The following KIAA1328 variants were observed in gnomAD, a reference collection of about 807,000 sequenced individuals.
KIAA1328 encodes the protein protein hinderin.
A neutral mutation model predicts 68.1 loss-of-function variants in KIAA1328; 52 were observed. That is an observed-to-expected ratio of 0.76 (90% CI 0.61 to 0.96). The LOEUF (loss-of-function observed/expected upper bound fraction) is 0.96. Among genes scored for constraint, KIAA1328 ranks in the 40% least tolerant of loss-of-function variants. KIAA1328 has a pLI of 0.00. For synonymous variants in KIAA1328, 232 were observed against 239.4 expected, an observed-to-expected ratio of 0.97 and a Z score of 0.28; for missense variants, 641 against 677.6, an observed-to-expected ratio of 0.95 and a Z score of 0.60.
At chr18:36,889,175 AT>A (rs1182879656) in intron 5 of KIAA1328, among the ~76,000 whole-genome samples, 1 of 152,214 alleles carries the variant, frequency 6.6e-6, no homozygotes, top group Non-Finnish European at 1.5e-5. Context: ...AAGAAAGTTT[AT>A]TTCTGGAGAA....
At chr18:37,047,133 C>G (rs1274824500) in intron 6 of KIAA1328, among the ~76,000 whole-genome samples, 1 of 152,192 alleles carries the variant, frequency 6.6e-6, no homozygotes, top group African/African-American at 2.4e-5. Flanking sequence ...TATCTACCAT[C>G]TGCCTAGTCT....
intron 7 of KIAA1328, among the ~76,000 whole-genome samples, chr18:37,144,714 G>T (rs888754109): frequency 6.6e-6 from 1 of 151,874 alleles, no homozygotes; most frequent in Admixed American, 6.6e-5. Context: ...TTTTTTTGTA[G>T]AGTTGGGGTT....
At chr18:36,885,491 G>A (rs2048465725) in intron 4 of KIAA1328, 66 bp from the exon 5 acceptor site, 3 of 852,416 alleles carry the variant, frequency 3.5e-6, no homozygotes, top group East Asian at 2.9e-5. Context: ...TTTGTAAACT[G>A]CAGCTGTAGG....
intron 5 of KIAA1328, among the ~76,000 whole-genome samples, chr18:36,905,471 A>G (rs910869486): frequency 3.9e-5 from 6 of 152,254 alleles, no homozygotes; most frequent in Non-Finnish European, 5.9e-5. Context: ...ATGACTTTGT[A>G]TAGTCCACAT....
In KIAA1328 at chr18:36,963,144, A is replaced by G. The variant is rs191019857; in HGVS notation, c.576+3709A>G. The stretch of plus-strand genomic sequence containing the variant: ...CTGTTTTCTTAAAACATAGCTGATA[A>G]AAAGAGGCAGAGGAAGGTGGCATCT... On this transcript the variant is annotated intron_variant, in intron 6 of 9. Coordinates refer to ENST00000280020, the MANE Select transcript of KIAA1328 (RefSeq NM_020776.3). Among the ~76,000 whole-genome samples the G allele has an allele frequency of 4.6e-5, 7 of 152,350 alleles. No homozygotes were observed. In the East Asian group the frequency reaches 1.3e-3, roughly 29 times the overall value.
intron 6 of KIAA1328, among the ~76,000 whole-genome samples, chr18:37,062,392 A>C (rs1416868770): frequency 6.6e-6 from 1 of 151,128 alleles, no homozygotes; most frequent in African/African-American, 2.4e-5. Flanking sequence ...ATAACTGCCC[A>C]TCTTTCTCAC....
At chr18:37,116,462 A>G (rs1272983663) in intron 7 of KIAA1328, among the ~76,000 whole-genome samples, 1 of 152,144 alleles carries the variant, frequency 6.6e-6, no homozygotes, top group East Asian at 1.9e-4. Flanking sequence ...AGCCATATGT[A>G]GAAAGCTGAA....
In KIAA1328 at chr18:37,048,002, ATAC is replaced by A. The variant is rs1470417538; in HGVS notation, c.577-18887_577-18885del. Among the ~76,000 whole-genome samples the A allele has an allele frequency of 5.3e-5, 8 of 152,324 alleles. No individual in the cohort carries two copies. In the South Asian group the frequency reaches 1.7e-3, roughly 32 times the overall value. On this transcript the variant is annotated intron_variant, in intron 6 of 9. Transcript: ENST00000280020. ...TACTCCCTTATAATGCTGGCCAAAT[ATAC>A]AAGATTTGGCCTTTGGCTACAAAAC...
At chr18:37,012,619 G>A (rs1418146600) in intron 6 of KIAA1328, among the ~76,000 whole-genome samples, 2 of 152,100 alleles carry the variant, frequency 1.3e-5, no homozygotes, top group Non-Finnish European at 2.9e-5. Context: ...ATCTAACTTT[G>A]CATTAATAAG....
chr18:36,955,324 T>C (rs2051365400), intron 5 of KIAA1328, among the ~76,000 whole-genome samples: 1 of 150,546 alleles, frequency 6.6e-6, no homozygotes, highest in Non-Finnish European at 1.5e-5. Context: ...CTTTTTTTTT[T>C]TTTTTTTGAT....
chr18:36,990,014 G>C (rs994334122), intron 6 of KIAA1328, among the ~76,000 whole-genome samples: 1 of 152,034 alleles, frequency 6.6e-6, no homozygotes, highest in Non-Finnish European at 1.5e-5. Context: ...TTTTAAGACA[G>C]TTTTTTCCTC....
chr18:37,136,248 C>T (rs1033166813), intron 7 of KIAA1328, among the ~76,000 whole-genome samples: 5 of 152,260 alleles, frequency 3.3e-5, no homozygotes, highest in African/African-American at 1.2e-4. Flanking sequence ...CAGCCACAAT[C>T]TTTAACTAAC....
intron 6 of KIAA1328, among the ~76,000 whole-genome samples, chr18:36,970,794 T>C (rs1464872543): frequency 6.6e-6 from 1 of 151,878 alleles, no homozygotes; most frequent in Non-Finnish European, 1.5e-5. Context: ...CTCAAGGAAA[T>C]AAGAGAGGAC....
intron 6 of KIAA1328, among the ~76,000 whole-genome samples, chr18:37,001,233 A>G (rs957717009): frequency 3.3e-5 from 5 of 152,144 alleles, no homozygotes; most frequent in African/African-American, 1.2e-4. Flanking sequence ...CATCAGGGCC[A>G]GTTTTAATAA....
intron 9 of KIAA1328, among the ~76,000 whole-genome samples, chr18:37,179,836 C>T (rs1398629402): frequency 1.3e-5 from 2 of 151,904 alleles, no homozygotes; most frequent in Admixed American, 1.3e-4. Context: ...TTTGCTGGGC[C>T]ACAAAGAGGA....
rs1265691434 is a variant in KIAA1328 at position 36,864,612 on chromosome 18, T to C, written c.332+20310T>C. Among the ~76,000 whole-genome samples, 11 of 121,222 alleles carry C rather than the reference T, an allele frequency of 9.1e-5. No homozygotes were observed. In the Admixed American group the frequency reaches 9.3e-4, roughly 10 times the overall value. The allele number at this position is 121,222 out of a possible 152,430, so 79.5% of individuals were successfully genotyped here. Reference sequence around the variant, plus strand: ...GTCAGTAGTTTTTTTTTTTTTTTTGTACTGTCTTGGTCTGTTTTTGGTATT... The same window carrying C: ...GTCAGTAGTTTTTTTTTTTTTTTTGCACTGTCTTGGTCTGTTTTTGGTATT... On this transcript the variant is annotated intron_variant, in intron 4 of 9. Transcript: ENST00000280020.
At chr18:37,071,057 C>CTTTTTTTT (rs58722044) in intron 7 of KIAA1328, among the ~76,000 whole-genome samples, 23 of 86,836 alleles carry the variant, frequency 2.6e-4, no homozygotes, top group Non-Finnish European at 3.7e-4. Context: ...TTTTTTCTTC[C>CTTTTTTTT]TTTTTTTTTT....
intron 7 of KIAA1328, among the ~76,000 whole-genome samples, chr18:37,151,243 A>G (rs1038165090): frequency 5.3e-5 from 8 of 152,214 alleles, no homozygotes; most frequent in African/African-American, 1.7e-4. Flanking sequence ...TCTCTACATG[A>G]TAACCACAAA....
chr18:36,868,855 A>G (rs1233914466), intron 4 of KIAA1328, among the ~76,000 whole-genome samples: 2 of 152,156 alleles, frequency 1.3e-5, no homozygotes, highest in Admixed American at 1.3e-4. Context: ...CATTTCTCAG[A>G]AGAAAAATAG....
Sources: allele counts gnomAD v4.1 joint callset (sites outside exome capture counted in the v4.1 genomes callset), GRCh38; gene constraint gnomAD v4.1.1; transcripts MANE v1.5; gene names NCBI Gene and HGNC (gene_info 2026-07-23, HGNC 2026-07-21).